Variants in SUSD1 observed in about 807,000 individuals in gnomAD.
SUSD1 encodes the protein sushi domain-containing protein 1.
SUSD1 carries 65 observed loss-of-function variants against 86.9 expected under a neutral mutation model. The observed-to-expected ratio is 0.75, with a 90% CI of 0.61 to 0.92. The LOEUF (loss-of-function observed/expected upper bound fraction) is 0.92, where lower values mean the gene tolerates loss of function less well. SUSD1 is among the 40% of genes least tolerant of loss of function. SUSD1 has a pLI of 0.00. For synonymous variants in SUSD1, 346 were observed against 350.0 expected (o/e 0.99, Z 0.13); for missense variants, 850 against 929.7 (o/e 0.91, Z 1.11).
At chr9:112,143,406 G>A in intron 4 of SUSD1, 65 bp downstream of exon 4, 3 of 1,553,498 alleles carry the variant, frequency 1.9e-6, no homozygotes, top group Non-Finnish European at 2.6e-6. Context: ...CAGGCTTGGA[G>A]CAGAAGAAAG....
intron 2 of SUSD1, among the ~76,000 whole-genome samples, chr9:112,156,204 T>C (rs940100699): frequency 7.1e-4 from 108 of 151,530 alleles, no homozygotes; most frequent in African/African-American, 2.3e-3. Context: ...TGGCTGACGC[T>C]TGTAATCCCA....
chr9:112,126,315 A>G (rs958915947), intron 5 of SUSD1, among the ~76,000 whole-genome samples: 2 of 152,226 alleles, frequency 1.3e-5, no homozygotes. Flanking sequence ...ACCCAGTGAC[A>G]AGTCATTGGA....
intron 10 of SUSD1, among the ~76,000 whole-genome samples, chr9:112,098,170 T>G (rs1248185936): frequency 2.6e-5 from 4 of 152,156 alleles, no homozygotes; most frequent in Admixed American, 2.6e-4. Context: ...GGTTCAGTTG[T>G]CTTAAATTTG....
chr9:112,117,038 G>A (rs1831356053), intron 6 of SUSD1, among the ~76,000 whole-genome samples: 1 of 152,224 alleles, frequency 6.6e-6, no homozygotes, highest in Admixed American at 6.5e-5. Flanking sequence ...TACTCAAGAG[G>A]CCGAGGCACG....
intron 1 of SUSD1, among the ~76,000 whole-genome samples, chr9:112,163,875 C>A (rs1341628539): frequency 6.6e-6 from 1 of 151,570 alleles, no homozygotes; most frequent in Non-Finnish European, 1.5e-5. Context: ...GTGGTGGACA[C>A]CTGTAATCCC....
At chr9:112,106,708 T>C (rs1042574405) in intron 8 of SUSD1, among the ~76,000 whole-genome samples, 1 of 145,212 alleles carries the variant, frequency 6.9e-6, no homozygotes, top group African/African-American at 2.7e-5. Context: ...ACTAAACCAA[T>C]AACCTAAGAG....
Position 112,129,964 on chromosome 9 carries a change from A to T in SUSD1, c.707-5528T>A, listed in dbSNP as rs546593374. 3.9e-5 allele frequency among the ~76,000 whole-genome samples: 6 copies of T among 152,358 alleles called. No homozygotes were observed. The South Asian group carries it at 8.3e-4, about 21-fold the overall frequency. ...CCATATTTATTATCCAACACAGGTAATTCACACATACCAAACACCAAGTAG... is the reference window on the plus strand; with the variant it reads ...CCATATTTATTATCCAACACAGGTATTTCACACATACCAAACACCAAGTAG... On this transcript the variant is annotated intron_variant, in intron 5 of 16. Transcript: ENST00000374270.
At chr9:112,043,445 C>T (rs1257531871) in intron 15 of SUSD1, among the ~76,000 whole-genome samples, 1 of 152,164 alleles carries the variant, frequency 6.6e-6, no homozygotes, top group East Asian at 1.9e-4. Flanking sequence ...CCAATCAGCA[C>T]TTCTGACTCA....
Position 112,162,438 on chromosome 9 carries a change from T to G in SUSD1, c.104-4825A>C, listed in dbSNP as rs1833612316. 2.0e-5 allele frequency among the ~76,000 whole-genome samples: 3 copies of G among 152,310 alleles called. No homozygotes were observed. In the South Asian group the frequency reaches 6.2e-4, roughly 32 times the overall value. On this transcript the variant is annotated intron_variant, in intron 1 of 16. Coordinates refer to ENST00000374270, the MANE Select transcript of SUSD1 (RefSeq NM_022486.5). Reference sequence around the variant, plus strand: ...TAAAGTAACCCAAGCTAAGGAAGCCTGTAAGAATTTTTCACTGAAAACCAA... The same window carrying G: ...TAAAGTAACCCAAGCTAAGGAAGCCGGTAAGAATTTTTCACTGAAAACCAA...
chr9:112,042,385 G>T (rs948057107), intron 15 of SUSD1, among the ~76,000 whole-genome samples: 1 of 152,046 alleles, frequency 6.6e-6, no homozygotes, highest in Non-Finnish European at 1.5e-5. Context: ...TAGCCCTGAT[G>T]GTCAGATAGA....
At chr9:112,157,679 CAT>C in intron 1 of SUSD1, 66 bp from the exon 2 acceptor site, 2 of 1,379,454 alleles carry the variant, frequency 1.4e-6, no homozygotes, top group East Asian at 4.6e-5. Context: ...AGTTAGTGGA[CAT>C]TTACAACGAA....
intron 15 of SUSD1, among the ~76,000 whole-genome samples, chr9:112,050,065 G>A (rs1828121908): frequency 6.6e-6 from 1 of 152,158 alleles, no homozygotes; most frequent in South Asian, 2.1e-4. Context: ...TATTATTTTT[G>A]TGTCTGGAAG....
chr9:112,063,299 A>G (rs1197122948), intron 12 of SUSD1, among the ~76,000 whole-genome samples: 1 of 152,198 alleles, frequency 6.6e-6, no homozygotes, highest in Non-Finnish European at 1.5e-5. Flanking sequence ...TGGAGGGGGC[A>G]TGTAGGGAAT....
At chr9:112,048,776 A>T (rs2118869319) in intron 15 of SUSD1, among the ~76,000 whole-genome samples, 1 of 152,352 alleles carries the variant, frequency 6.6e-6, no homozygotes, top group East Asian at 1.9e-4. Flanking sequence ...AATCTTGAAA[A>T]ACAGGTGGGA....
intron 1 of SUSD1, among the ~76,000 whole-genome samples, chr9:112,171,705 C>G (rs1349551832): frequency 6.6e-6 from 1 of 152,008 alleles, no homozygotes; most frequent in Non-Finnish European, 1.5e-5. Flanking sequence ...ACTTATAGCC[C>G]AAGTTTAATT....
In SUSD1 at chr9:112,114,481, TCAAAAA is replaced by T. The variant is rs555057894; in HGVS notation, c.887-1619_887-1614del. On this transcript the variant is annotated intron_variant, in intron 6 of 16. Coordinates refer to ENST00000374270, the MANE Select transcript of SUSD1 (RefSeq NM_022486.5). ...CTGGGTGACAGAGTGAGACTCCATCTCAAAAACAAAAACAAAAACAAACAAACAAAA... is the reference window on the plus strand; with the variant it reads ...CTGGGTGACAGAGTGAGACTCCATCTCAAAAACAAAAACAAACAAACAAAA... 3.3e-5 allele frequency among the ~76,000 whole-genome samples: 5 copies of T among 152,210 alleles called. No homozygotes were observed. The South Asian group carries it at 8.3e-4, about 25-fold the overall frequency.
intron 3 of SUSD1, 127 bp from the exon 4 acceptor site, chr9:112,143,750 G>GCAAA: frequency 2.2e-6 from 2 of 916,388 alleles, no homozygotes; most frequent in Non-Finnish European, 3.2e-6. Context: ...GCATTTGTTT[G>GCAAA]CAATTGTATC....
At chr9:112,058,797 G>T (rs1828574730) in intron 13 of SUSD1, 111 bp from the exon 14 acceptor site, 4 of 1,393,540 alleles carry the variant, frequency 2.9e-6, no homozygotes, top group African/African-American at 1.8e-5. Context: ...TTGTTTTTTT[G>T]TTTTTTGTTT....
At chr9:112,103,252 G>T in intron 8 of SUSD1, 1 of 359,740 alleles carries the variant, frequency 2.8e-6, no homozygotes, top group South Asian at 2.2e-5. Context: ...TCAGCACAAG[G>T]CAGCCAGCTG....
Sources: allele counts gnomAD v4.1 joint callset (sites outside exome capture counted in the v4.1 genomes callset), GRCh38; gene constraint gnomAD v4.1.1; transcripts MANE v1.5; gene names NCBI Gene and HGNC (gene_info 2026-07-23, HGNC 2026-07-21).